CCDC91: variants seen among roughly 807,000 people sequenced by gnomAD.
CCDC91 encodes coiled-coil domain-containing protein 91.
In CCDC91, 48 loss-of-function variants were observed where a neutral mutation model predicts 63.2. That is an observed-to-expected ratio of 0.76 (90% CI 0.60 to 0.97). The LOEUF (loss-of-function observed/expected upper bound fraction) is 0.97, where lower values mean the gene tolerates loss of function less well. Among genes scored for constraint, CCDC91 ranks in the 50% least tolerant of loss-of-function variants. CCDC91 has a pLI of 0.00. For synonymous variants in CCDC91, 167 were observed against 165.8 expected (o/e 1.01, Z -0.06); for missense variants, 500 against 494.6 (o/e 1.01, Z -0.10).
chr12:28,197,781 T>C (rs1297755642), intron 1 of CCDC91, among the ~76,000 whole-genome samples: 3 of 152,106 alleles, frequency 2.0e-5, no homozygotes, highest in Non-Finnish European at 1.5e-5. Context: ...ACTTCTGAAA[T>C]GTTTGTCCAA....
chr12:28,312,801 G>T (rs1939459434), intron 6 of CCDC91, among the ~76,000 whole-genome samples: 1 of 151,938 alleles, frequency 6.6e-6, no homozygotes, highest in Admixed American at 6.6e-5. Flanking sequence ...AGATCTGATG[G>T]TTTTATAAAG....
intron 12 of CCDC91, among the ~76,000 whole-genome samples, chr12:28,545,768 A>C (rs757944896): frequency 2.0e-5 from 3 of 151,990 alleles, no homozygotes; most frequent in Non-Finnish European, 2.9e-5. Context: ...AATCTATCAA[A>C]CTTTTTTTGT....
chr12:28,428,607 A>G (rs1948464318), intron 8 of CCDC91, among the ~76,000 whole-genome samples: 1 of 150,558 alleles, frequency 6.6e-6, no homozygotes, highest in African/African-American at 2.4e-5. Context: ...AAGAAAGAAA[A>G]ATATCTTTTC....
intron 8 of CCDC91, among the ~76,000 whole-genome samples, chr12:28,422,625 G>A (rs1430865483): frequency 3.3e-5 from 5 of 152,002 alleles, no homozygotes; most frequent in Admixed American, 3.3e-4. Context: ...ATTGTGGCTA[G>A]CCATAAAATT....
rs183126691 is a variant in CCDC91 at position 28,330,158 on chromosome 12, A to G, written c.576+22409A>G. On this transcript the variant is annotated intron_variant, in intron 6 of 12. Coordinates refer to ENST00000536442, the MANE Select transcript of CCDC91 (RefSeq NM_018318.5). ...TAATGGGATAGCTGGGTCAAATGCT[A>G]TTTCTAGTTCTAGATCCTTAAGGAA... is the stretch of plus-strand genomic sequence containing the variant. Among the ~76,000 whole-genome samples the G allele has an allele frequency of 3.2e-3, 487 of 152,252 alleles. 6 individuals carry two copies. Among genetic ancestry groups the G allele is most frequent in the Non-Finnish European group, 1.3e-3 (87 of 68,000 alleles).
At chr12:28,441,082 AAAG>A (rs1352040569) in intron 8 of CCDC91, among the ~76,000 whole-genome samples, 16 of 20,000 alleles carry the variant, frequency 8.0e-4, no homozygotes, top group African/African-American at 4.8e-3. Context: ...AAAAAAAAAA[AAAG>A]AAAAGAAAAA....
chr12:28,543,493 G>C (rs1197447557), intron 12 of CCDC91, among the ~76,000 whole-genome samples: 1 of 151,980 alleles, frequency 6.6e-6, no homozygotes, highest in African/African-American at 2.4e-5. Flanking sequence ...CGATGGGGAA[G>C]GGACTTTACT....
At chr12:28,262,471 A>T (rs1946889431) in intron 3 of CCDC91, among the ~76,000 whole-genome samples, 1 of 152,030 alleles carries the variant, frequency 6.6e-6, no homozygotes, top group Non-Finnish European at 1.5e-5. Context: ...ACAGGCCAGT[A>T]GGTGGAGGAG....
chr12:28,358,738 A>G lies in CCDC91; in HGVS notation c.577-3700A>G, dbSNP rs968572041. ...ATATTGATCAGTGGTGTACTATTTT[A>G]TATAAGTGGTCAGGAAAAGTCTCTC... On this transcript the variant is annotated intron_variant, in intron 6 of 12. Coordinates refer to ENST00000536442, the MANE Select transcript of CCDC91 (RefSeq NM_018318.5). 2.0e-5 allele frequency among the ~76,000 whole-genome samples: 3 copies of G among 152,188 alleles called. No homozygotes were observed. In the South Asian group the frequency reaches 6.2e-4, roughly 31 times the overall value.
chr12:28,518,425 AT>A (rs1225958123), intron 12 of CCDC91, among the ~76,000 whole-genome samples: 1 of 145,514 alleles, frequency 6.9e-6, no homozygotes, highest in Non-Finnish European at 1.5e-5. Context: ...CCATTTGTTT[AT>A]GTTCTTTTGA....
intron 12 of CCDC91, among the ~76,000 whole-genome samples, chr12:28,531,629 T>C (rs1295515949): frequency 1.3e-5 from 2 of 152,200 alleles, no homozygotes; most frequent in Non-Finnish European, 2.9e-5. Flanking sequence ...CACATTATTT[T>C]TGATGGCAGA....
intron 11 of CCDC91, among the ~76,000 whole-genome samples, chr12:28,458,809 T>C (rs545988189): frequency 4.3e-4 from 66 of 152,258 alleles, no homozygotes; most frequent in South Asian, 1.9e-3. Flanking sequence ...AAACCTGTTA[T>C]CTTTGTCTCA....
At chr12:28,230,808 A>C (rs1414446789) in intron 1 of CCDC91, among the ~76,000 whole-genome samples, 1 of 151,912 alleles carries the variant, frequency 6.6e-6, no homozygotes, top group Non-Finnish European at 1.5e-5. Context: ...ATTTTTTTGT[A>C]GTGATGGGGT....
At chr12:28,455,404 C>A (rs1340857601) in intron 11 of CCDC91, among the ~76,000 whole-genome samples, 1 of 152,018 alleles carries the variant, frequency 6.6e-6, no homozygotes, top group Non-Finnish European at 1.5e-5. Context: ...AGACTTTACC[C>A]CTGGGCTACT....
chr12:28,329,163 A>T (rs1941277966), intron 6 of CCDC91, among the ~76,000 whole-genome samples: 1 of 152,198 alleles, frequency 6.6e-6, no homozygotes, highest in Non-Finnish European at 1.5e-5. Flanking sequence ...CTTGCCTGTT[A>T]TGCAAATAAT....
At chr12:28,281,828 C>G (rs1948622249) in intron 3 of CCDC91, among the ~76,000 whole-genome samples, 2 of 152,054 alleles carry the variant, frequency 1.3e-5, no homozygotes, top group Non-Finnish European at 2.9e-5. Context: ...AACTTGCTGA[C>G]CATTGTTGCT....
intron 11 of CCDC91, among the ~76,000 whole-genome samples, chr12:28,458,820 A>G (rs1295922892): frequency 6.6e-6 from 1 of 152,018 alleles, no homozygotes; most frequent in East Asian, 1.9e-4. Flanking sequence ...CTTTGTCTCA[A>G]TATTCTTATT....
At chr12:28,362,297 T>TATATATATATATATATATATATA (rs1241655538) in intron 6 of CCDC91, 141 bp from the exon 7 acceptor site, 22 of 491,276 alleles carry the variant, frequency 4.5e-5, no homozygotes, top group Non-Finnish European at 7.0e-5. Context: ...TATATATATG[T>TATATATATATATATATATATATA]TTTCTCTTTG....
intron 12 of CCDC91, among the ~76,000 whole-genome samples, chr12:28,501,348 A>G (rs1322188345): frequency 6.6e-6 from 1 of 151,860 alleles, no homozygotes; most frequent in Non-Finnish European, 1.5e-5. Flanking sequence ...TGGGTTTGTC[A>G]TAGATAGCTC....
Sources: gnomAD v4.1 joint callset for allele counts (sites outside exome capture counted in the v4.1 genomes callset) on GRCh38, gnomAD v4.1.1 for gene constraint, MANE v1.5 for transcripts, NCBI Gene and HGNC (gene_info 2026-07-23, HGNC 2026-07-21) for gene names.